DOCK1: variants seen among roughly 807,000 people sequenced by gnomAD.
DOCK1 encodes the protein dedicator of cytokinesis protein 1.
DOCK1 carries 138 observed loss-of-function variants against 262.7 expected under a neutral mutation model. The observed-to-expected ratio is 0.53, with a 90% CI of 0.46 to 0.61. The LOEUF is 0.61. DOCK1 is among the 20% of genes least tolerant of loss of function. DOCK1 has a pLI of 0.00. For missense variants in DOCK1, 1,908 were observed against 2,370.7 expected, an observed-to-expected ratio of 0.80 and a Z score of 4.05; for synonymous variants, 866 against 867.4, an observed-to-expected ratio of 1.00 and a Z score of 0.03.
At chr10:127,277,777 A>G (rs1019327332) in intron 29 of DOCK1, among the ~76,000 whole-genome samples, 1 of 152,138 alleles carries the variant, frequency 6.6e-6, no homozygotes, top group African/African-American at 2.4e-5. Flanking sequence ...AAAGAACTGA[A>G]GACAATCGAT....
In DOCK1 at chr10:126,999,448, A is replaced by T. The variant is rs552966918; in HGVS notation, c.849+13A>T. On this transcript the variant is annotated intron_variant, in intron 9 of 51. Coordinates refer to ENST00000623213, the MANE Select transcript of DOCK1 (RefSeq NM_001290223.2). The stretch of plus-strand genomic sequence containing the variant: ...AGCCGTGTTTACTGTAAGTGCACCC[A>T]AAGATGCTTAGTTGAATTGGCTACC... The T allele has an allele frequency of 6.2e-7, 1 of 1,608,982 alleles. No homozygotes were observed. Among genetic ancestry groups the T allele is most frequent in the Non-Finnish European group, 8.5e-7 (1 of 1,176,348 alleles).
At chr10:127,160,586 T>C (rs1486156210) in intron 27 of DOCK1, among the ~76,000 whole-genome samples, 1 of 152,266 alleles carries the variant, frequency 6.6e-6, no homozygotes, top group Non-Finnish European at 1.5e-5. Flanking sequence ...GCACGTTGGA[T>C]AGTGCTGAAA....
chr10:127,325,314 G>C (rs753325427), intron 29 of DOCK1, among the ~76,000 whole-genome samples: 1 of 152,190 alleles, frequency 6.6e-6, no homozygotes, highest in Non-Finnish European at 1.5e-5. Context: ...GCTGGCACTC[G>C]CTGTTTGAGT....
chr10:126,923,105 A>G (rs2033366860), intron 1 of DOCK1, among the ~76,000 whole-genome samples: 1 of 152,146 alleles, frequency 6.6e-6, no homozygotes, highest in Admixed American at 6.5e-5. Flanking sequence ...ACGAAACTCC[A>G]TCTAAAAAAA....
chr10:127,278,995 A>G (rs2060846508), intron 29 of DOCK1, among the ~76,000 whole-genome samples: 1 of 152,232 alleles, frequency 6.6e-6, no homozygotes, highest in South Asian at 2.1e-4. Flanking sequence ...ACACAGTGCC[A>G]TGAACAGTCT....
chr10:127,292,246 A>G (rs1294981842), intron 29 of DOCK1, among the ~76,000 whole-genome samples: 2 of 151,964 alleles, frequency 1.3e-5, no homozygotes, highest in East Asian at 1.9e-4. Context: ...GCCCACTTCT[A>G]TCTGAAAATG....
chr10:127,151,929 A>AATGTCACTTTTT (rs1357869075), intron 27 of DOCK1, among the ~76,000 whole-genome samples: 119 of 152,208 alleles, frequency 7.8e-4, no homozygotes, highest in African/African-American at 2.8e-3. Flanking sequence ...AGTCACTTTT[A>AATGTCACTTTTT]ATGTCACTTT....
chr10:127,348,868 C>CAATT (rs1172965736), intron 31 of DOCK1, among the ~76,000 whole-genome samples: 1 of 152,082 alleles, frequency 6.6e-6, no homozygotes, highest in Non-Finnish European at 1.5e-5. Context: ...TCAGAAGCTG[C>CAATT]AATTGTATAT....
chr10:126,998,970 C>T (rs1454239666), intron 8 of DOCK1, among the ~76,000 whole-genome samples: 1 of 152,074 alleles, frequency 6.6e-6, no homozygotes, highest in Non-Finnish European at 1.5e-5. Flanking sequence ...TTTGTTTCCT[C>T]TTGACATAGG....
intron 1 of DOCK1, among the ~76,000 whole-genome samples, chr10:126,952,859 G>T (rs2036408562): frequency 6.6e-6 from 1 of 150,400 alleles, no homozygotes; most frequent in Non-Finnish European, 1.5e-5. Context: ...TATTGTTGGT[G>T]ATGTGGTAGT....
At chr10:126,997,792 A>G (rs1049439448) in intron 7 of DOCK1, 1 of 318,050 alleles carries the variant, frequency 3.1e-6, no homozygotes, top group African/African-American at 2.1e-5. Flanking sequence ...CTAATGAGGG[A>G]ACAAAAAATT....
chr10:127,348,635 C>T (rs2063748505), intron 31 of DOCK1, among the ~76,000 whole-genome samples: 1 of 151,794 alleles, frequency 6.6e-6, no homozygotes, highest in South Asian at 2.1e-4. Context: ...TCAGTTTTGG[C>T]GGGGTGGGTG....
In DOCK1 at chr10:127,017,723, C is replaced by T. The variant is rs532027313; in HGVS notation, c.1202-987C>T. ...AGCTGAGTGGGGGGAAGCAAGCAGG[C>T]AGCCCCCCCTGAGGCCTCAGGGACA... On this transcript the variant is annotated intron_variant, in intron 12 of 51. Coordinates refer to ENST00000623213, the MANE Select transcript of DOCK1 (RefSeq NM_001290223.2). Among the ~76,000 whole-genome samples the T allele has an allele frequency of 3.9e-5, 6 of 152,330 alleles. No homozygotes were observed. The East Asian group carries it at 7.7e-4, about 20-fold the overall frequency.
intron 27 of DOCK1, among the ~76,000 whole-genome samples, chr10:127,233,247 A>G (rs1011096837): frequency 5.3e-5 from 8 of 152,224 alleles, no homozygotes; most frequent in Non-Finnish European, 1.0e-4. Context: ...GTAATTAGGA[A>G]GTGCAAGCTC....
chr10:127,264,566 T>C (rs1014693201), intron 29 of DOCK1, among the ~76,000 whole-genome samples: 1 of 152,154 alleles, frequency 6.6e-6, no homozygotes, highest in African/African-American at 2.4e-5. Flanking sequence ...GACTGCAGGA[T>C]AAAACATAAA....
At chr10:127,391,051 T>C (rs1590848971) in intron 38 of DOCK1, among the ~76,000 whole-genome samples, 2 of 152,136 alleles carry the variant, frequency 1.3e-5, no homozygotes, top group East Asian at 3.9e-4. Flanking sequence ...TCACAGGCAG[T>C]AGAATTGCCT....
At chr10:126,948,810 C>G (rs908692407) in intron 1 of DOCK1, among the ~76,000 whole-genome samples, 1 of 152,052 alleles carries the variant, frequency 6.6e-6, no homozygotes, top group Non-Finnish European at 1.5e-5. Flanking sequence ...GATTTTCCAT[C>G]CTCTCCCTCA....
At position 126,998,276 on chromosome 10, in the gene DOCK1, T is replaced by C. The variant is rs150140431; in HGVS notation, c.767+27T>C. The C allele has an allele frequency of 2.2e-4, 351 of 1,613,040 alleles. 1 individual carries two copies. The African/African-American group carries it at 4.4e-3, about 20-fold the overall frequency. ...TGGGTGACATTTCTTGGCTGCCGTCTTTCCTCTTTGGTTAGTGTTAGGAAC... is the reference window on the plus strand; with the variant it reads ...TGGGTGACATTTCTTGGCTGCCGTCCTTCCTCTTTGGTTAGTGTTAGGAAC... On this transcript the variant is annotated intron_variant, in intron 8 of 51. Transcript: ENST00000623213.
At chr10:127,448,931 A>G (rs1384989215) in intron 51 of DOCK1, among the ~76,000 whole-genome samples, 2 of 152,024 alleles carry the variant, frequency 1.3e-5, no homozygotes, top group African/African-American at 4.8e-5. Context: ...GAGGAGTGGA[A>G]GAGAGAGGGT....
Sources: allele counts gnomAD v4.1 joint callset (sites outside exome capture counted in the v4.1 genomes callset), GRCh38; gene constraint gnomAD v4.1.1; transcripts MANE v1.5; gene names NCBI Gene and HGNC (gene_info 2026-07-23, HGNC 2026-07-21).